OCA2: variants seen among roughly 807,000 people sequenced by gnomAD.
OCA2 encodes P protein.
OCA2 carries 77 observed loss-of-function variants against 100.2 expected under a neutral mutation model. That is an observed-to-expected ratio of 0.77 (90% CI 0.64 to 0.93). The LOEUF is 0.93. Among genes scored for constraint, OCA2 ranks in the 40% least tolerant of loss-of-function variants. The pLI, the probability that OCA2 is intolerant of heterozygous loss-of-function variation, is 0.00. For synonymous variants in OCA2, 432 were observed against 439.2 expected, an observed-to-expected ratio of 0.98 and a Z score of 0.21; for missense variants, 1,062 against 1,089.1, an observed-to-expected ratio of 0.98 and a Z score of 0.35.
At chr15:27,975,337 C>T (rs1263382346) in intron 14 of OCA2, among the ~76,000 whole-genome samples, 2 of 152,132 alleles carry the variant, frequency 1.3e-5, no homozygotes, top group African/African-American at 2.4e-5. Flanking sequence ...TAATGAAGTA[C>T]AGTAGCCACA....
intron 23 of OCA2, among the ~76,000 whole-genome samples, chr15:27,768,250 GA>G (rs1166147039): frequency 7.2e-5 from 11 of 152,280 alleles, no homozygotes; most frequent in African/African-American, 2.2e-4. Flanking sequence ...TGGAAGTCAT[GA>G]AAAAAATTCT....
rs1373774462 is a variant in OCA2, at chr15:28,070,215, C to T, written c.227+11433G>A. ...GAGCCCCTCCGCCCAGCAGCTGCCCCGTCTGAGAAGTGAGGAGCCTCTCCG... is the reference window on the plus strand; with the variant it reads ...GAGCCCCTCCGCCCAGCAGCTGCCCTGTCTGAGAAGTGAGGAGCCTCTCCG... On this transcript the variant is annotated intron_variant, in intron 2 of 23. Coordinates refer to ENST00000354638, the MANE Select transcript of OCA2 (RefSeq NM_000275.3). 6.0e-5 allele frequency among the ~76,000 whole-genome samples: 7 copies of T among 116,712 alleles called. No homozygotes were observed. The East Asian group carries it at 8.4e-4, about 14-fold the overall frequency. 76.6% of individuals were successfully genotyped at this position (116,712 alleles called of 152,430 possible).
chr15:27,932,619 A>G (rs1216349723), intron 18 of OCA2, among the ~76,000 whole-genome samples: 1 of 152,174 alleles, frequency 6.6e-6, no homozygotes, highest in Non-Finnish European at 1.5e-5. Context: ...AAGCCTGGCT[A>G]AGTTTTGAAG....
At chr15:28,073,606 G>A (rs928945533) in intron 2 of OCA2, among the ~76,000 whole-genome samples, 1 of 152,120 alleles carries the variant, frequency 6.6e-6, no homozygotes, top group African/African-American at 2.4e-5. Context: ...GAGGATGAAG[G>A]AAGGGGGAGT....
intron 18 of OCA2, among the ~76,000 whole-genome samples, chr15:27,948,107 TC>T (rs1367466937): frequency 6.6e-6 from 1 of 152,126 alleles, no homozygotes; most frequent in Admixed American, 6.5e-5. Flanking sequence ...ACAGACCATG[TC>T]CTTGAGTCTA....
Position 27,957,360 on chromosome 15 carries a change from A to C in OCA2, c.1784+228T>G, listed in dbSNP as rs996840400. Among the ~76,000 whole-genome samples, 19 of 152,188 alleles carry C rather than the reference A, an allele frequency of 1.2e-4. No individual in the cohort carries two copies. The highest frequency in any genetic ancestry group is 4.6e-4 in the African/African-American group (19 of 41,454). ...CTGCACAACCCTGGGCACGCCGCTC[A>C]AATTCTCTGAGCCTCTGGTTTTGTG... On this transcript the variant is annotated intron_variant, in intron 16 of 23. Coordinates refer to ENST00000354638, the MANE Select transcript of OCA2 (RefSeq NM_000275.3). This position sits in a 1 kb window ranked among gnomAD's most constrained non-coding sequence, Gnocchi z 4.3.
At chr15:27,918,627 T>C (rs940600431) in intron 19 of OCA2, among the ~76,000 whole-genome samples, 4 of 152,228 alleles carry the variant, frequency 2.6e-5, no homozygotes, top group African/African-American at 7.2e-5. Context: ...TTGTTCTAGT[T>C]GAAAACATAT....
At chr15:27,913,883 G>GAAAGAAAGAAAGAA (rs1567098187) in intron 19 of OCA2, among the ~76,000 whole-genome samples, 3 of 52,708 alleles carry the variant, frequency 5.7e-5, no homozygotes, top group Admixed American at 4.7e-4. Context: ...AAGAAAGAAA[G>GAAAGAAAGAAAGAA]AAAGAAAGAA....
intron 1 of OCA2, among the ~76,000 whole-genome samples, chr15:28,094,724 G>A (rs540721119): frequency 2.0e-5 from 3 of 152,296 alleles, no homozygotes; most frequent in South Asian, 4.1e-4. Context: ...GTGGGGGTGG[G>A]CCCGGGCCCC....
intron 19 of OCA2, among the ~76,000 whole-genome samples, chr15:27,890,851 C>A (rs1416962504): frequency 6.6e-6 from 1 of 152,010 alleles, no homozygotes; most frequent in Non-Finnish European, 1.5e-5. Flanking sequence ...CATGGTGAAA[C>A]CCTGTCTCTA....
chr15:28,006,291 C>T (rs908733935), intron 9 of OCA2, among the ~76,000 whole-genome samples: 2 of 152,270 alleles, frequency 1.3e-5, no homozygotes, highest in East Asian at 1.9e-4. Flanking sequence ...GATCTGGCTT[C>T]GAACAACAGC....
At chr15:27,910,737 C>G (rs1021041171) in intron 19 of OCA2, among the ~76,000 whole-genome samples, 2 of 151,702 alleles carry the variant, frequency 1.3e-5, no homozygotes, top group African/African-American at 2.4e-5. Context: ...GCAGGTGGAT[C>G]ACAAAGTCAG....
intron 19 of OCA2, among the ~76,000 whole-genome samples, chr15:27,874,664 T>C (rs950667227): frequency 3.9e-5 from 6 of 152,102 alleles, no homozygotes; most frequent in Admixed American, 6.5e-5. Flanking sequence ...AAATTAGGGG[T>C]TGAAGAGTTT....
intron 2 of OCA2, among the ~76,000 whole-genome samples, chr15:28,066,864 T>C (rs2044040238): frequency 6.6e-6 from 1 of 152,242 alleles, no homozygotes; most frequent in African/African-American, 2.4e-5. Context: ...CGGACATTCC[T>C]TTCTATTGAT....
chr15:27,953,651 T>A (rs1278994086), intron 17 of OCA2, among the ~76,000 whole-genome samples: 1 of 152,186 alleles, frequency 6.6e-6, no homozygotes, highest in Non-Finnish European at 1.5e-5. Context: ...CAAAGAGCAT[T>A]CCAGCATCCT....
At chr15:27,828,229 T>G (rs920500223) in intron 23 of OCA2, among the ~76,000 whole-genome samples, 1 of 152,142 alleles carries the variant, frequency 6.6e-6, no homozygotes, top group Non-Finnish European at 1.5e-5. Flanking sequence ...TCGCCCTCTT[T>G]GGAAGGGCTC....
intron 19 of OCA2, among the ~76,000 whole-genome samples, chr15:27,914,258 C>T (rs2038579395): frequency 6.6e-6 from 1 of 152,106 alleles, no homozygotes; most frequent in African/African-American, 2.4e-5. Flanking sequence ...CAACATCATA[C>T]TGAATGGGCA....
At position 27,870,016 on chromosome 15, in the gene OCA2, C is replaced by T. The variant is rs558511805; in HGVS notation, c.2244+1138G>A. ...CCCTGGAAGGAGAGCAACAGCCAAG[C>T]AACTAGAGGGCCAACCTAGGCAGAA... On this transcript the variant is annotated intron_variant, in intron 21 of 23. Transcript: ENST00000354638. Among the ~76,000 whole-genome samples the T allele has an allele frequency of 5.9e-5, 9 of 152,332 alleles. No homozygotes were observed. In the East Asian group the frequency reaches 1.7e-3, roughly 29 times the overall value.
At chr15:27,771,307 C>G (rs189841143) in intron 23 of OCA2, among the ~76,000 whole-genome samples, 3 of 151,872 alleles carry the variant, frequency 2.0e-5, no homozygotes, top group Admixed American at 2.0e-4. Flanking sequence ...TGCCACTCCA[C>G]GGCCCCAGCT....
Sources: gnomAD v4.1 joint callset for allele counts (sites outside exome capture counted in the v4.1 genomes callset) on GRCh38, gnomAD v4.1.1 for gene constraint, Gnocchi (gnomAD v3.1) non-coding constraint, MANE v1.5 for transcripts, NCBI Gene and HGNC (gene_info 2026-07-23, HGNC 2026-07-21) for gene names.